The following SNTG2 variants were observed in gnomAD, a reference collection of about 807,000 sequenced individuals.
The protein encoded by SNTG2 is gamma-2-syntrophin.
SNTG2 carries 74 observed loss-of-function variants against 70.9 expected under a neutral mutation model. The observed-to-expected ratio is 1.04, with a 90% confidence interval of 0.86 to 1.27. The LOEUF (loss-of-function observed/expected upper bound fraction) is 1.27. SNTG2 is among the 50% of genes most tolerant of loss of function. The pLI, the probability that SNTG2 is intolerant of heterozygous loss-of-function variation, is 0.00. For synonymous variants in SNTG2, 278 were observed against 273.8 expected (o/e 1.02, Z -0.15); for missense variants, 717 against 690.7 (o/e 1.04, Z -0.43).
At chr2:1,093,446 A>G (rs1310864183) in intron 2 of SNTG2, among the ~76,000 whole-genome samples, 1 of 152,234 alleles carries the variant, frequency 6.6e-6, no homozygotes, top group Non-Finnish European at 1.5e-5. Flanking sequence ...GAAAAGTTCC[A>G]GTTAGAAGCT....
chr2:1,132,480 C>G lies in SNTG2; in HGVS notation c.326-5142C>G, dbSNP rs193260755. Reference sequence around the variant, plus strand: ...GCAGACTACTTGTAAAGAAAAAATTCTCTCTTGATGTAGGCAATTTTCCCT... The same window carrying G: ...GCAGACTACTTGTAAAGAAAAAATTGTCTCTTGATGTAGGCAATTTTCCCT... On this transcript the variant is annotated intron_variant, in intron 4 of 16. Coordinates refer to ENST00000308624, the MANE Select transcript of SNTG2 (RefSeq NM_018968.4). Among the ~76,000 whole-genome samples, 23 of 152,268 alleles carry G rather than the reference C, an allele frequency of 1.5e-4. No homozygotes were observed. The East Asian group carries it at 4.4e-3, about 29-fold the overall frequency.
chr2:1,126,627 CCAA>C (rs1481688547), intron 4 of SNTG2, among the ~76,000 whole-genome samples: 1 of 152,160 alleles, frequency 6.6e-6, no homozygotes, highest in African/African-American at 2.4e-5. Flanking sequence ...TGCACCCTCA[CCAA>C]CATTTGTCAT....
chr2:1,303,888 C>T (rs1680565028), intron 14 of SNTG2, among the ~76,000 whole-genome samples: 1 of 152,122 alleles, frequency 6.6e-6, no homozygotes, highest in Non-Finnish European at 1.5e-5. Flanking sequence ...CCTCGTAAAC[C>T]ACGAACTGCC....
intron 16 of SNTG2, among the ~76,000 whole-genome samples, chr2:1,342,184 T>G (rs1311012645): frequency 6.6e-6 from 1 of 152,146 alleles, no homozygotes; most frequent in African/African-American, 2.4e-5. Context: ...ATCTCACTCC[T>G]TAGACAAGGC....
chr2:1,300,003 G>T (rs904421665), intron 14 of SNTG2, among the ~76,000 whole-genome samples: 7 of 151,882 alleles, frequency 4.6e-5, no homozygotes, highest in Non-Finnish European at 7.4e-5. Flanking sequence ...GCTCTGAAGG[G>T]CGTGCAAGAC....
chr2:1,259,303 A>C (rs1332062290), intron 12 of SNTG2, 67 bp from the exon 13 acceptor site: 1 of 1,457,302 alleles, frequency 6.9e-7, no homozygotes, highest in East Asian at 2.3e-5. Context: ...ACACTATTGT[A>C]AATTTTTAAA....
In SNTG2 at chr2:1,098,209, C is replaced by T. The variant is rs747202660; in HGVS notation, c.224C>T (p.Thr75Ile). The T allele has an allele frequency of 1.9e-6, 3 of 1,614,036 alleles. No individual in the cohort carries two copies. The East Asian group carries it at 6.7e-5, about 36-fold the overall frequency. The stretch of plus-strand genomic sequence containing the variant: ...AATGTTTTAAAGCGCAGAACTGTTA[C>T]ACTCCGCAGACAGCCAGTTGGCGGC... ...SHQGRNRRTV[T>I]LRRQPVGGLG... The change falls in exon 3 of 17, where the codon ACA becomes ATA. Residue 75 changes from threonine to isoleucine, a missense_variant. Coordinates refer to ENST00000308624, the MANE Select transcript of SNTG2 (RefSeq NM_018968.4).
intron 13 of SNTG2, among the ~76,000 whole-genome samples, chr2:1,262,095 G>T (rs1265160322): frequency 6.6e-6 from 1 of 152,146 alleles, no homozygotes; most frequent in East Asian, 1.9e-4. Context: ...GGACAAAACT[G>T]CACCAGAGTT....
intron 4 of SNTG2, among the ~76,000 whole-genome samples, chr2:1,110,746 T>TA (rs1024812310): frequency 1.3e-5 from 2 of 152,244 alleles, no homozygotes; most frequent in Admixed American, 6.5e-5. Context: ...TTCTAGGCTC[T>TA]AAAAAATGGC....
intron 2 of SNTG2, among the ~76,000 whole-genome samples, chr2:1,092,409 C>G (rs903006077): frequency 1.3e-5 from 2 of 152,248 alleles, no homozygotes; most frequent in South Asian, 4.1e-4. Context: ...GATTAACACC[C>G]CAGGTCATCC....
At chr2:1,016,238 T>G (rs924187886) in intron 1 of SNTG2, among the ~76,000 whole-genome samples, 1 of 152,138 alleles carries the variant, frequency 6.6e-6, no homozygotes, top group African/African-American at 2.4e-5. Context: ...AGACAACTTT[T>G]TTTTGTTTTG....
chr2:1,352,777 C>A (rs139243273), intron 16 of SNTG2, among the ~76,000 whole-genome samples: 7 of 152,290 alleles, frequency 4.6e-5, no homozygotes, highest in African/African-American at 1.7e-4. Flanking sequence ...TTATTTAAAT[C>A]TCTGTTTTCT....
chr2:1,208,665 T>C (rs1267025388), intron 8 of SNTG2, among the ~76,000 whole-genome samples: 1 of 152,178 alleles, frequency 6.6e-6, no homozygotes, highest in Non-Finnish European at 1.5e-5. Flanking sequence ...TTGCTACCGA[T>C]AACAAGGCAG....
chr2:1,078,532 G>T (rs1431724707), intron 1 of SNTG2, among the ~76,000 whole-genome samples: 1 of 152,014 alleles, frequency 6.6e-6, no homozygotes. Flanking sequence ...CAGGCACGGC[G>T]GCGCTGCAGG....
intron 1 of SNTG2, among the ~76,000 whole-genome samples, chr2:1,011,118 T>C (rs1452201287): frequency 6.6e-6 from 1 of 152,214 alleles, no homozygotes; most frequent in African/African-American, 2.4e-5. Context: ...TATAAAAACA[T>C]GATCAGCAAG....
At chr2:1,011,786 T>C (rs1659734866) in intron 1 of SNTG2, among the ~76,000 whole-genome samples, 1 of 152,170 alleles carries the variant, frequency 6.6e-6, no homozygotes, top group Non-Finnish European at 1.5e-5. Flanking sequence ...AAGAGATAAA[T>C]GCTTATTATC....
At chr2:1,025,344 A>G (rs1045770883) in intron 1 of SNTG2, among the ~76,000 whole-genome samples, 3 of 152,104 alleles carry the variant, frequency 2.0e-5, no homozygotes, top group Non-Finnish European at 4.4e-5. Context: ...CCACACAGGG[A>G]CTTCTGCATG....
At chr2:1,072,904 A>G (rs995662651) in intron 1 of SNTG2, among the ~76,000 whole-genome samples, 23 of 152,166 alleles carry the variant, frequency 1.5e-4, no homozygotes, top group Non-Finnish European at 3.2e-4. Context: ...GGGATTTAAG[A>G]CTTCAGTGGA....
At chr2:990,525 A>T (rs1476024747) in intron 1 of SNTG2, among the ~76,000 whole-genome samples, 3 of 152,214 alleles carry the variant, frequency 2.0e-5, no homozygotes, top group African/African-American at 7.2e-5. Flanking sequence ...GGCACAGATC[A>T]CATGAGGAGG....
Sources: gnomAD v4.1 joint callset for allele counts (sites outside exome capture counted in the v4.1 genomes callset) on GRCh38, gnomAD v4.1.1 for gene constraint, MANE v1.5 for transcripts, NCBI Gene and HGNC (gene_info 2026-07-23, HGNC 2026-07-21) for gene names.